MTR: variants seen among roughly 807,000 people sequenced by gnomAD.
MTR encodes the protein 5-methyltetrahydrofolate-homocysteine methyltransferase.
Under a neutral mutation model 154.8 loss-of-function variants are expected in MTR, and 84 were observed. That is an observed-to-expected ratio of 0.54 (90% CI 0.45 to 0.65). MTR has a LOEUF of 0.65. Among genes scored for constraint, MTR ranks in the 30% least tolerant of loss-of-function variants. MTR has a pLI of 0.00. For missense variants in MTR, 1,275 were observed against 1,570.2 expected (o/e 0.81, Z 3.18); for synonymous variants, 554 against 553.9 (o/e 1.00, Z 0.00).
chr1:236,840,262 C>T (rs1663153173), intron 15 of MTR, among the ~76,000 whole-genome samples: 1 of 152,196 alleles, frequency 6.6e-6, no homozygotes, highest in African/African-American at 2.4e-5. Context: ...CAAGCAAGTA[C>T]ACAACACACA....
intron 10 of MTR, 39 bp from the exon 11 acceptor site, chr1:236,826,790 A>G (rs1261374700): frequency 1.3e-6 from 2 of 1,568,560 alleles, no homozygotes; most frequent in Non-Finnish European, 1.8e-6. Flanking sequence ...TTTAGAATTC[A>G]AGTGAACTTG....
chr1:236,836,403 A>T (rs924730324), intron 14 of MTR, among the ~76,000 whole-genome samples: 3 of 152,040 alleles, frequency 2.0e-5, no homozygotes, highest in Non-Finnish European at 4.4e-5. Context: ...GCATCATTTA[A>T]AAAAAATTTT....
In MTR at chr1:236,903,428, A is replaced by G. The variant is rs1052647016; in HGVS notation, c.*5784A>G. On this transcript the variant is annotated 3_prime_UTR_variant, in exon 33 of 33. Coordinates refer to ENST00000366577, the MANE Select transcript of MTR (RefSeq NM_000254.3). The stretch of plus-strand genomic sequence containing the variant: ...TGTTTTTTTAACACTTGGAATATCT[A>G]ATTCCATTTACACTGCATTCTTCAA... 7 of 152,140 alleles carry G rather than the reference A, an allele frequency of 4.6e-5. No individual in the cohort carries two copies. The highest frequency in any genetic ancestry group is 1.0e-4 in the Non-Finnish European group (7 of 68,028). 9.4% of individuals were successfully genotyped at this position (152,140 alleles called of 1,614,324 possible).
Position 236,861,108 on chromosome 1 carries a change from T to TG in MTR, c.2044-17_2044-16insG. ...CTTTCTTTCTTTTTCTTTTTTTTTT[T>TG]TTTTTGTCTTTTTTAGGGCATTGAA... On this transcript the variant is annotated splice_polypyrimidine_tract_variant and intron_variant, in intron 19 of 32. Coordinates refer to ENST00000366577, the MANE Select transcript of MTR (RefSeq NM_000254.3). The TG allele has an allele frequency of 6.6e-7, 1 of 1,518,176 alleles. No homozygotes were observed. Among genetic ancestry groups the TG allele is most frequent in the South Asian group, 1.3e-5 (1 of 78,058 alleles). The allele number at this position is 1,518,176 out of a possible 1,614,324, so 94.0% of individuals were successfully genotyped here.
At chr1:236,890,414 G>A (rs1474777061) in intron 28 of MTR, among the ~76,000 whole-genome samples, 2 of 152,158 alleles carry the variant, frequency 1.3e-5, no homozygotes, top group African/African-American at 4.8e-5. Context: ...CACATGTGAG[G>A]ATTTGGGCCA....
chr1:236,862,181 C>A, intron 20 of MTR, 55 bp from the exon 21 acceptor site: 1 of 1,430,322 alleles, frequency 7.0e-7, no homozygotes, highest in Non-Finnish European at 9.9e-7. Context: ...AAGTGGCCAT[C>A]AGCAGTTGTT....
intron 6 of MTR, among the ~76,000 whole-genome samples, chr1:236,813,911 C>T (rs1188378065): frequency 1.3e-5 from 2 of 152,020 alleles, no homozygotes; most frequent in African/African-American, 4.8e-5. Context: ...GTTGAATTTA[C>T]AGATTCTATT....
At chr1:236,885,880 G>A (rs925235066) in intron 26 of MTR, among the ~76,000 whole-genome samples, 2 of 152,144 alleles carry the variant, frequency 1.3e-5, no homozygotes, top group Non-Finnish European at 2.9e-5. Context: ...AGGCCAAGAC[G>A]CAGTGGTTGG....
At chr1:236,836,291 T>C (rs897570512) in intron 14 of MTR, among the ~76,000 whole-genome samples, 1 of 152,124 alleles carries the variant, frequency 6.6e-6, no homozygotes. Context: ...AGGCAGGGTT[T>C]TGCTCTGTGG....
At chr1:236,894,990 A>T (rs1666542468) in intron 30 of MTR, 2 of 364,586 alleles carry the variant, frequency 5.5e-6, no homozygotes, top group South Asian at 5.5e-5. Context: ...CCCTGGGGAG[A>T]GCCTCTCCCT....
At chr1:236,812,929 A>G (rs1279092462) in intron 6 of MTR, 85 bp downstream of exon 6, 3 of 1,033,756 alleles carry the variant, frequency 2.9e-6, no homozygotes, top group African/African-American at 3.2e-5. Flanking sequence ...AATATTAGCC[A>G]TTATCAAAGT....
At chr1:236,862,429 T>A in intron 21 of MTR, 86 bp downstream of exon 21, 1 of 1,078,872 alleles carries the variant, frequency 9.3e-7, no homozygotes, top group Non-Finnish European at 1.4e-6. Context: ...GCAGTCAGGG[T>A]TGGCTGTGTT....
intron 6 of MTR, 44 bp from the exon 7 acceptor site, chr1:236,815,560 C>T: frequency 6.3e-7 from 1 of 1,596,320 alleles, no homozygotes; most frequent in East Asian, 2.2e-5. Flanking sequence ...TAATCTTGGA[C>T]ACACTCTCAG....
intron 31 of MTR, among the ~76,000 whole-genome samples, chr1:236,895,921 T>C (rs1666599618): frequency 6.6e-6 from 1 of 152,248 alleles, no homozygotes; most frequent in Admixed American, 6.5e-5. Flanking sequence ...CTTTGCTTCA[T>C]GCTCTTGTCT....
At chr1:236,810,092 A>C (rs992857549) in intron 4 of MTR, among the ~76,000 whole-genome samples, 1 of 152,244 alleles carries the variant, frequency 6.6e-6, no homozygotes, top group African/African-American at 2.4e-5. Flanking sequence ...GAATTTGTCC[A>C]AACACAGCTG....
intron 24 of MTR, 64 bp from the exon 25 acceptor site, chr1:236,880,691 A>G: frequency 7.7e-7 from 1 of 1,304,184 alleles, no homozygotes; most frequent in South Asian, 1.2e-5. Flanking sequence ...ATGGCGCTGA[A>G]CAAGAGTTGT....
At chr1:236,809,159 C>G (rs1661159501) in intron 4 of MTR, among the ~76,000 whole-genome samples, 2 of 152,150 alleles carry the variant, frequency 1.3e-5, no homozygotes, top group African/African-American at 4.8e-5. Flanking sequence ...GATAATTGAT[C>G]TCATTTTTTT....
intron 1 of MTR, among the ~76,000 whole-genome samples, chr1:236,797,393 A>G (rs943448102): frequency 6.6e-6 from 1 of 152,200 alleles, no homozygotes; most frequent in African/African-American, 2.4e-5. Context: ...ATGGTGGGCT[A>G]GCAAATACAT....
chr1:236,850,457 T>A lies in MTR; in HGVS notation c.1629T>A (p.Ile543=). Residue 543 remains isoleucine, a synonymous_variant, in exon 16 of 33, where the codon ATT becomes ATA. Coordinates refer to ENST00000366577, the MANE Select transcript of MTR (RefSeq NM_000254.3). The part of the protein sequence containing the change: ...DIIFDPNILT[I]GTGMEEHNLY... ...TTTTTGACCCTAATATCCTAACCATTGGGACTGGAATGGAGGAACACAACT... is the reference window on the plus strand; with the variant it reads ...TTTTTGACCCTAATATCCTAACCATAGGGACTGGAATGGAGGAACACAACT... The A allele has an allele frequency of 6.2e-7, 1 of 1,613,814 alleles. No homozygotes were observed. The highest frequency in any genetic ancestry group is 8.5e-7 in the Non-Finnish European group (1 of 1,179,910).
Sources: gnomAD v4.1 joint callset for allele counts (sites outside exome capture counted in the v4.1 genomes callset) on GRCh38, gnomAD v4.1.1 for gene constraint, MANE v1.5 for transcripts, NCBI Gene and HGNC (gene_info 2026-07-23, HGNC 2026-07-21) for gene names.